Variants in MFNG observed in about 807,000 individuals in gnomAD.
MFNG encodes the protein beta-1,3-N-acetylglucosaminyltransferase manic fringe.
Under a neutral mutation model 34.2 loss-of-function variants are expected in MFNG, and 24 were observed. That is an observed-to-expected ratio of 0.70 (90% CI 0.51 to 0.99). The LOEUF is 0.99. MFNG is among the 50% of genes least tolerant of loss of function. The pLI is 0.00. For synonymous variants in MFNG, 158 were observed against 179.2 expected (o/e 0.88, Z 0.94); for missense variants, 383 against 424.0 (o/e 0.90, Z 0.85).
intron 1 of MFNG, among the ~76,000 whole-genome samples, chr22:37,484,816 C>T (rs552698193): frequency 3.9e-5 from 6 of 152,288 alleles, no homozygotes; most frequent in East Asian, 3.9e-4. Context: ...ATCCCAAGTA[C>T]GAGGGCAGAA....
rs201509472 is a variant in MFNG, at chr22:37,479,393, G to C, written c.513C>G (p.Ser171Arg). 2.5e-6 allele frequency: 4 copies of C among 1,608,522 alleles called. No homozygotes were observed. The East Asian group carries it at 9.0e-5, about 36-fold the overall frequency. The change falls in exon 4 of 8, where the codon AGC becomes AGG. Residue 171 changes from serine to arginine, a missense_variant. Ser to Arg is a moderately radical substitution (Grantham distance 110, BLOSUM62 -1). Transcript: ENST00000356998. Reference sequence around the variant, plus strand: ...CTGAGGCATGGATGGGCCGGTTCAGGCTGGGCCTTCCCACATAGACGTCGC... The same window carrying C: ...CTGAGGCATGGATGGGCCGGTTCAGCCTGGGCCTTCCCACATAGACGTCGC... ...LARDVYVGRPSLNRPIHASEP... is the reference protein window; with the variant it reads ...LARDVYVGRPRLNRPIHASEP...
At chr22:37,480,108 TG>T in intron 3 of MFNG, 88 bp downstream of exon 3, 1 of 996,344 alleles carries the variant, frequency 1.0e-6, no homozygotes, top group Non-Finnish European at 1.5e-6. Flanking sequence ...GCTAGAGGAG[TG>T]GGGGCTGAAG....
chr22:37,474,690 G>A lies in MFNG; in HGVS notation c.648-13C>T. On this transcript the variant is annotated splice_polypyrimidine_tract_variant and intron_variant, in intron 5 of 7. Transcript: ENST00000356998. ...GAAACGGGAGCCACTGAGGGACAGA[G>A]CCAGACTGCAGACGCTGGCCCAGGC... The A allele has an allele frequency of 1.3e-6, 2 of 1,582,560 alleles. No individual in the cohort carries two copies.
Position 37,479,275 on chromosome 22 carries a change from C to T in MFNG, c.561+70G>A, listed in dbSNP as rs910312805. 7 of 1,466,880 alleles carry T rather than the reference C, an allele frequency of 4.8e-6. No homozygotes were observed. In the African/African-American group the frequency reaches 8.7e-5, roughly 18 times the overall value. The allele number at this position is 1,466,880 out of a possible 1,614,324, so 90.9% of individuals were successfully genotyped here. The stretch of plus-strand genomic sequence containing the variant: ...CCCCTCTCACCTCTCTAGCACACCC[C>T]CACCCCCAGGACCGGCCCGGCCCTT... On this transcript the variant is annotated intron_variant, in intron 4 of 7. Transcript: ENST00000356998.
intron 7 of MFNG, 33 bp from the exon 8 acceptor site, chr22:37,470,062 AC>A (rs750835853): frequency 5.2e-6 from 8 of 1,528,288 alleles, no homozygotes; most frequent in South Asian, 1.2e-5. Flanking sequence ...CAGGATGGTC[AC>A]CCCCCACTTC....
At position 37,482,387 on chromosome 22, in the gene MFNG, C is replaced by T. The variant is rs1463437013; in HGVS notation, c.256-1618G>A. On this transcript the variant is annotated intron_variant, in intron 1 of 7. Coordinates refer to ENST00000356998, the MANE Select transcript of MFNG (RefSeq NM_002405.4). The surrounding 1 kb of genome is among the most constrained non-coding windows in gnomAD (Gnocchi z 4.1). ...TGCCTGATGTAGTCTGATCTCATTA[C>T]TTCCTGTCCACCCCTGGGGCTTCTC... is the stretch of plus-strand genomic sequence containing the variant. 6.6e-6 allele frequency among the ~76,000 whole-genome samples: 1 copy of T among 152,194 alleles called. No individual in the cohort carries two copies. Among genetic ancestry groups the T allele is most frequent in the African/African-American group, 2.4e-5 (1 of 41,502 alleles).
Position 37,479,487 on chromosome 22 carries a change from T to C in MFNG, c.419A>G (p.His140Arg), listed in dbSNP as rs774555565. ...FLASGLRWFC[H>R]VDDDNYVNPR... ...GTTCACATAGTTGTCATCGTCCACA[T>C]GGCAGAACCACCTGTAGGGATGAAA... Residue 140 changes from histidine to arginine, a missense_variant, in exon 4 of 8, where the codon CAT becomes CGT. Physicochemically the swap from His to Arg is conservative, Grantham distance 29. Coordinates refer to ENST00000356998, the MANE Select transcript of MFNG (RefSeq NM_002405.4). 1 of 1,610,694 alleles carries C rather than the reference T, an allele frequency of 6.2e-7. No individual in the cohort carries two copies. Among genetic ancestry groups the C allele is most frequent in the Non-Finnish European group, 8.5e-7 (1 of 1,178,568 alleles).
chr22:37,470,003 T>C lies in MFNG; in HGVS notation c.926A>G (p.Tyr309Cys), dbSNP rs1921735337. The C allele has an allele frequency of 1.9e-6, 3 of 1,609,512 alleles. No homozygotes were observed. The highest frequency in any genetic ancestry group is 2.7e-5 in the African/African-American group (2 of 74,936). ...SRFRSLHCLL[Y>C]PDTPWCPQLG... The stretch of plus-strand genomic sequence containing the variant: ...CTGGGGACACCAGGGTGTATCTGGA[T>C]AGAGCAGACAATGGAGGGAGCGAAA... The change falls in exon 8 of 8, where the codon TAT (tyrosine) becomes TGT (cysteine). Residue 309 changes from tyrosine to cysteine, a missense_variant. Coordinates refer to ENST00000356998, the MANE Select transcript of MFNG (RefSeq NM_002405.4).
At position 37,486,116 on chromosome 22, in the gene MFNG, A is replaced by T. The variant is rs758187921; in HGVS notation, c.62T>A (p.Leu21His). The T allele has an allele frequency of 4.3e-6, 7 of 1,611,232 alleles. No individual in the cohort carries two copies. In the African/African-American group the frequency reaches 6.7e-5, roughly 15 times the overall value. ...GALLTLLCMG[L>H]LCLRYHLNLS... ...GTTCAAGTGGTACCGCAGACACAGGAGCCCCATGCACAGGAGGGTGAGGAG... is the reference window on the plus strand; with the variant it reads ...GTTCAAGTGGTACCGCAGACACAGGTGCCCCATGCACAGGAGGGTGAGGAG... Residue 21 changes from leucine (L) to histidine (H), a missense_variant, in exon 1 of 8, where the codon CTC (leucine) becomes CAC (histidine). Leu to His is a moderately conservative substitution (Grantham distance 99). Transcript: ENST00000356998.
rs1601803225 is a variant in MFNG, at chr22:37,486,260, G to T, written c.-83C>A. 2.8e-6 allele frequency: 4 copies of T among 1,404,386 alleles called. No homozygotes were observed. The highest frequency in any genetic ancestry group is 2.8e-6 in the Non-Finnish European group (3 of 1,073,220). 87.0% of individuals were successfully genotyped at this position (1,404,386 alleles called of 1,614,324 possible). A position where few individuals can be genotyped will look rare whatever the true frequency, so the allele number is the denominator to read the frequency against. ...GGAAGCTGGTCAGGCAGGGGCTCCA[G>T]CAGAGGCAAAAGTCTGGCAGGCATC... On this transcript the variant is annotated 5_prime_UTR_variant, in exon 1 of 8. The change creates a new upstream start codon in the 5' untranslated region. Transcript: ENST00000356998.
intron 7 of MFNG, 123 bp downstream of exon 7, chr22:37,472,320 C>G: frequency 2.8e-6 from 2 of 713,570 alleles, no homozygotes; most frequent in South Asian, 3.8e-5. Context: ...TCCCTCCACT[C>G]CTAGCTCTGT....
chr22:37,474,354 G>A (rs1165911050), intron 6 of MFNG, among the ~76,000 whole-genome samples, 158 bp downstream of exon 6: 3 of 152,198 alleles, frequency 2.0e-5, no homozygotes, highest in African/African-American at 7.2e-5. Context: ...GGTGTCCTTT[G>A]CCACCCTAGG....
At position 37,476,965 on chromosome 22, in the gene MFNG, C is replaced by G; in HGVS notation, c.578G>C (p.Trp193Ser). The part of the protein sequence containing the change: ...PHNRTRLVQF[W>S]FATGGAGFCI... ...GAAGCCAGCACCCCCAGTGGCAAAC[C>G]AGAACTGTACCAGCCTCTGAGAGAG... Residue 193 changes from tryptophan to serine, a missense_variant, in exon 5 of 8, where the codon TGG becomes TCG. Transcript: ENST00000356998. The G allele has an allele frequency of 1.2e-6, 2 of 1,614,104 alleles. No individual in the cohort carries two copies. Among genetic ancestry groups the G allele is most frequent in the Non-Finnish European group, 1.7e-6 (2 of 1,180,020 alleles).
intron 4 of MFNG, among the ~76,000 whole-genome samples, 157 bp from the exon 5 acceptor site, chr22:37,477,138 A>G (rs1922079970): frequency 6.6e-6 from 1 of 152,226 alleles, no homozygotes; most frequent in Non-Finnish European, 1.5e-5. Context: ...TATTGCACCC[A>G]TTCTATAGAT....
At chr22:37,479,519 C>T (rs761680806) in intron 3 of MFNG, 21 bp from the exon 4 acceptor site, 3 of 1,607,896 alleles carry the variant, frequency 1.9e-6, no homozygotes, top group Admixed American at 3.4e-5. Context: ...GAAACGGGGA[C>T]AGTGAACTTG....
chr22:37,472,777 C>T (rs1000463680), intron 6 of MFNG: 1 of 396,956 alleles, frequency 2.5e-6, no homozygotes, highest in Non-Finnish European at 4.5e-6. Flanking sequence ...GGAACAATAC[C>T]CCCATCTACA....
chr22:37,469,523 G>A lies in MFNG; in HGVS notation c.*440C>T, dbSNP rs572164168. 15 of 309,120 alleles carry A rather than the reference G, an allele frequency of 4.9e-5. No individual in the cohort carries two copies. In the East Asian group the frequency reaches 6.7e-4, roughly 14 times the overall value. 19.1% of individuals were successfully genotyped at this position (309,120 alleles called of 1,614,324 possible). A position where few individuals can be genotyped will look rare whatever the true frequency, so the allele number is the denominator to read the frequency against. On this transcript the variant is annotated 3_prime_UTR_variant, in exon 8 of 8. Transcript: ENST00000356998. ...TCCACCCATGTCCCTTCAGGAACTC[G>A]GGACACAGATGAGGGAGGCAGGAGT...
chr22:37,474,828 T>A (rs543468831), intron 5 of MFNG, 151 bp from the exon 6 acceptor site: 1 of 781,924 alleles, frequency 1.3e-6, no homozygotes, highest in African/African-American at 1.8e-5. Flanking sequence ...GTCAGGAACC[T>A]TGGGGAGCCT....
chr22:37,477,292 C>G (rs189257757), intron 4 of MFNG, among the ~76,000 whole-genome samples: 28 of 152,282 alleles, frequency 1.8e-4, no homozygotes, highest in Admixed American at 5.9e-4. Flanking sequence ...TGAGAAAGGT[C>G]TCTACCTCAC....
Sources: allele counts gnomAD v4.1 joint callset (sites outside exome capture counted in the v4.1 genomes callset), GRCh38; gene constraint gnomAD v4.1.1; non-coding constraint Gnocchi (gnomAD v3.1); transcripts MANE v1.5; gene names NCBI Gene and HGNC (gene_info 2026-07-23, HGNC 2026-07-21).